Variants in SNX30 observed in about 807,000 individuals in gnomAD.
The protein encoded by SNX30 is sorting nexin-30.
SNX30 carries 24 observed loss-of-function variants against 46.4 expected under a neutral mutation model. The observed-to-expected ratio is 0.52, with a 90% CI of 0.37 to 0.73. SNX30 has a LOEUF of 0.73. Ranked by LOEUF, SNX30 falls within the 30% of genes least tolerant of loss-of-function variation. The pLI is 0.00. For missense variants in SNX30, 533 were observed against 555.7 expected (o/e 0.96, Z 0.41); for synonymous variants, 189 against 211.5 (o/e 0.89, Z 0.92).
At chr9:112,825,384 TCCTGGGTTCAAGCAATCCTCCCA>T (rs1432285584) in intron 3 of SNX30, among the ~76,000 whole-genome samples, 2 of 152,170 alleles carry the variant, frequency 1.3e-5, no homozygotes, top group Non-Finnish European at 2.9e-5. Flanking sequence ...AGCCTCCAAC[TCCTGGGTTCAAGCAATCCTCCCA>T]CCTCAGCCTC....
intron 6 of SNX30, among the ~76,000 whole-genome samples, chr9:112,844,378 G>A (rs990839918): frequency 5.9e-5 from 9 of 152,276 alleles, no homozygotes; most frequent in African/African-American, 1.9e-4. Context: ...AGTTGGTTTT[G>A]AGTTAGTCTA....
intron 1 of SNX30, among the ~76,000 whole-genome samples, chr9:112,797,373 A>G (rs1840123419): frequency 6.6e-6 from 1 of 152,212 alleles, no homozygotes; most frequent in South Asian, 2.1e-4. Flanking sequence ...AAGGGAAGAG[A>G]ATTGTATAAT....
intron 7 of SNX30, among the ~76,000 whole-genome samples, chr9:112,853,480 A>G (rs1254279180): frequency 6.6e-6 from 1 of 152,232 alleles, no homozygotes; most frequent in Non-Finnish European, 1.5e-5. Flanking sequence ...AAGGAATGAC[A>G]TAGGATGATT....
chr9:112,782,583 TAGAG>T lies in SNX30; in HGVS notation c.157-22191_157-22188del, dbSNP rs142955148. Among the ~76,000 whole-genome samples the T allele has an allele frequency of 1.6e-3, 239 of 152,356 alleles. 1 individual carries two copies. Among genetic ancestry groups the T allele is most frequent in the Non-Finnish European group, 2.4e-3 (160 of 68,040 alleles). On this transcript the variant is annotated intron_variant, in intron 1 of 8. Coordinates refer to ENST00000374232, the MANE Select transcript of SNX30 (RefSeq NM_001012994.2). ...TGACATTTATTTTTGCATTTAGCAT[TAGAG>T]AAACTATTTTCTAAATAGTTAACCA...
chr9:112,868,670 A>G, intron 8 of SNX30, 114 bp from the exon 9 acceptor site: 1 of 1,069,920 alleles, frequency 9.3e-7, no homozygotes. Context: ...AGGCATCATT[A>G]GACAAAGGTA....
chr9:112,766,883 C>T (rs1475005222), intron 1 of SNX30, among the ~76,000 whole-genome samples: 3 of 152,148 alleles, frequency 2.0e-5, no homozygotes, highest in Admixed American at 1.3e-4. Context: ...GTTGCTTTTG[C>T]CTCTTGGCCA....
chr9:112,762,555 C>A (rs1839458809), intron 1 of SNX30, among the ~76,000 whole-genome samples: 1 of 150,508 alleles, frequency 6.6e-6, no homozygotes, highest in Non-Finnish European at 1.5e-5. Flanking sequence ...AGTTTCTTAA[C>A]CTTGTAATGC....
At chr9:112,861,925 A>G (rs1472862331) in intron 7 of SNX30, among the ~76,000 whole-genome samples, 2 of 138,660 alleles carry the variant, frequency 1.4e-5, no homozygotes, top group African/African-American at 2.5e-5. Flanking sequence ...CTGCAGGGGA[A>G]GCGACAACAC....
intron 7 of SNX30, among the ~76,000 whole-genome samples, chr9:112,854,075 C>T (rs1413010027): frequency 6.6e-6 from 1 of 152,230 alleles, no homozygotes; most frequent in African/African-American, 2.4e-5. Context: ...TACGAGCTTT[C>T]TCAGAGGCTG....
chr9:112,778,316 G>A (rs1311018330), intron 1 of SNX30, among the ~76,000 whole-genome samples: 1 of 132,802 alleles, frequency 7.5e-6, no homozygotes, highest in Non-Finnish European at 1.5e-5. Context: ...TCTGTCACCC[G>A]GGCTGGAGTA....
At chr9:112,820,131 G>A (rs1346313917) in intron 3 of SNX30, among the ~76,000 whole-genome samples, 1 of 152,174 alleles carries the variant, frequency 6.6e-6, no homozygotes, top group Non-Finnish European at 1.5e-5. Flanking sequence ...AAGAATTTCC[G>A]GAATGCCCAA....
chr9:112,829,615 G>A (rs1379928271), intron 3 of SNX30, among the ~76,000 whole-genome samples: 1 of 152,212 alleles, frequency 6.6e-6, no homozygotes, highest in Non-Finnish European at 1.5e-5. Context: ...AAATCTGTGA[G>A]TGGAATTGGT....
intron 1 of SNX30, among the ~76,000 whole-genome samples, chr9:112,766,519 A>G (rs1175939091): frequency 2.0e-5 from 3 of 152,172 alleles, no homozygotes; most frequent in Non-Finnish European, 4.4e-5. Flanking sequence ...TATACAGTTG[A>G]GTAGTGTTAA....
At chr9:112,790,980 G>T (rs369664244) in intron 1 of SNX30, among the ~76,000 whole-genome samples, 5 of 152,174 alleles carry the variant, frequency 3.3e-5, no homozygotes, top group African/African-American at 7.2e-5. Context: ...TCTGAATGTA[G>T]TGGACATGGC....
chr9:112,838,422 T>C, intron 5 of SNX30, 76 bp from the exon 6 acceptor site: 1 of 1,259,752 alleles, frequency 7.9e-7, no homozygotes, highest in Non-Finnish European at 1.1e-6. Context: ...AGCTCTTGGC[T>C]GTGGTGATTA....
Position 112,755,522 on chromosome 9 carries a change from G to C in SNX30, c.156+4365G>C, listed in dbSNP as rs146533212. On this transcript the variant is annotated intron_variant, in intron 1 of 8. Transcript: ENST00000374232. ...GTTAACATGGGCAGGGGACATTTCA[G>C]GGTCTTGAGCAGGAGGGGGGCATAG... Among the ~76,000 whole-genome samples, 504 of 152,158 alleles carry C rather than the reference G, an allele frequency of 3.3e-3. 7 individuals carry two copies. The highest frequency in any genetic ancestry group is 0.011 in the African/African-American group (465 of 41,504).
At chr9:112,865,661 A>ATATATGTGTGTGTGTGTGTGTGTGTGTG in intron 8 of SNX30, among the ~76,000 whole-genome samples, 2 of 105,682 alleles carry the variant, frequency 1.9e-5, no homozygotes, top group Non-Finnish European at 3.8e-5. Flanking sequence ...ATATATATAT[A>ATATATGTGTGTGTGTGTGTGTGTGTGTG]TGTATGTATG....
chr9:112,843,312 T>C (rs1378904788), intron 6 of SNX30, among the ~76,000 whole-genome samples: 3 of 152,210 alleles, frequency 2.0e-5, no homozygotes, highest in Non-Finnish European at 4.4e-5. Flanking sequence ...TCTATGTCAA[T>C]ACGCATGCTT....
downstream of SNX30, among the ~76,000 whole-genome samples, chr9:112,876,254 A>C (rs1045812593): frequency 1.3e-5 from 2 of 152,168 alleles, no homozygotes; most frequent in East Asian, 1.9e-4. Context: ...AATGGACCGG[A>C]GATGACTGGA....
Sources: gnomAD v4.1 joint callset for allele counts (sites outside exome capture counted in the v4.1 genomes callset) on GRCh38, gnomAD v4.1.1 for gene constraint, MANE v1.5 for transcripts, NCBI Gene and HGNC (gene_info 2026-07-23, HGNC 2026-07-21) for gene names.